DNAH11: variants seen among roughly 807,000 people sequenced by gnomAD.
The protein encoded by DNAH11 is axonemal beta dynein heavy chain 11.
A neutral mutation model predicts 526.0 loss-of-function variants in DNAH11; 442 were observed. The ratio of observed to expected loss-of-function variants is 0.84; its 90% CI spans 0.78 to 0.91. DNAH11 has a LOEUF of 0.91. Ranked by LOEUF, DNAH11 falls within the 40% of genes least tolerant of loss-of-function variation. DNAH11 has a pLI of 0.00. For missense variants in DNAH11, 6,989 were observed against 5,448.7 expected, an observed-to-expected ratio of 1.28 and a Z score of -8.90; for synonymous variants, 2,461 against 1,935.9, an observed-to-expected ratio of 1.27 and a Z score of -7.12.
chr7:21,871,683 T>C (rs911100458), intron 73 of DNAH11, among the ~76,000 whole-genome samples: 1 of 152,238 alleles, frequency 6.6e-6, no homozygotes, highest in Non-Finnish European at 1.5e-5. Context: ...TTAGTAAGCA[T>C]GTAAAGGAGG....
At chr7:21,876,771 A>C (rs895248451) in intron 74 of DNAH11, among the ~76,000 whole-genome samples, 1 of 152,262 alleles carries the variant, frequency 6.6e-6, no homozygotes, top group Admixed American at 6.5e-5. Context: ...CAAAAGGAAA[A>C]GGACGGTGTT....
intron 25 of DNAH11, among the ~76,000 whole-genome samples, chr7:21,625,630 C>G (rs541884911): frequency 6.6e-6 from 1 of 152,172 alleles, no homozygotes; most frequent in East Asian, 1.9e-4. Flanking sequence ...GTTGTAAACA[C>G]TTATTGCTAA....
chr7:21,637,545 G>C (rs1261051271), intron 26 of DNAH11, 66 bp from the exon 27 acceptor site: 25 of 1,078,606 alleles, frequency 2.3e-5, no homozygotes, highest in Non-Finnish European at 3.5e-5. Flanking sequence ...TTTAATTCTT[G>C]AAATGATTAA....
Position 21,543,067 on chromosome 7 carries a change from G to A in DNAH11, c.-179G>A. On this transcript the variant is annotated 5_prime_UTR_variant, in exon 1 of 82. Transcript: ENST00000409508. ...CCAGGCCTTCGCTTCGGCCTGCGAG[G>A]CTACAGCTGTGCGCAGTGGCGCGGC... The A allele has an allele frequency of 7.5e-7, 1 of 1,334,022 alleles. No homozygotes were observed. The highest frequency in any genetic ancestry group is 9.7e-7 in the Non-Finnish European group (1 of 1,028,822). 82.6% of individuals were successfully genotyped at this position (1,334,022 alleles called of 1,614,324 possible).
chr7:21,614,996 A>AT (rs749983875), intron 20 of DNAH11, 118 bp from the exon 21 acceptor site: 304 of 1,213,320 alleles, frequency 2.5e-4, no homozygotes, highest in Middle Eastern at 1.9e-4. Context: ...CTGCAGATTT[A>AT]TTTTTATTTT....
Position 21,901,661 on chromosome 7 carries a change from CAACAA to C in DNAH11, c.*409_*413del. 1.3e-5 allele frequency: 2 copies of C among 157,104 alleles called. No homozygotes were observed. Among genetic ancestry groups the C allele is most frequent in the Admixed American group, 1.3e-4 (2 of 15,760 alleles). 9.7% of individuals were successfully genotyped at this position (157,104 alleles called of 1,614,324 possible). On this transcript the variant is annotated 3_prime_UTR_variant, in exon 82 of 82. Transcript: ENST00000409508. ...AACGGAGATTTTAATTTTTAACAAACAACAAATTAAATTATTAGCCCTTAAACTCT... is the reference window on the plus strand; with the variant it reads ...AACGGAGATTTTAATTTTTAACAAACATTAAATTATTAGCCCTTAAACTCT...
At chr7:21,612,217 G>T (rs956763869) in intron 20 of DNAH11, among the ~76,000 whole-genome samples, 1 of 151,938 alleles carries the variant, frequency 6.6e-6, no homozygotes, top group Non-Finnish European at 1.5e-5. Context: ...AAAATAAAAA[G>T]AAAAATATTA....
rs548753531 is a variant in DNAH11, at chr7:21,680,071, CAT to C, written c.5329-1474_5329-1473del. ...TTGTTCTTATTTCATGGAAATTGCACATGTTACAGTTATCTCTTCCTCCCTTT... is the reference window on the plus strand; with the variant it reads ...TTGTTCTTATTTCATGGAAATTGCACGTTACAGTTATCTCTTCCTCCCTTT... On this transcript the variant is annotated intron_variant, in intron 30 of 81. Transcript: ENST00000409508. Among the ~76,000 whole-genome samples, 46 of 152,322 alleles carry C rather than the reference CAT, an allele frequency of 3.0e-4. No individual in the cohort carries two copies. The East Asian group carries it at 7.7e-3, about 26-fold the overall frequency.
chr7:21,673,403 G>C (rs1782723054), intron 30 of DNAH11, among the ~76,000 whole-genome samples: 1 of 152,138 alleles, frequency 6.6e-6, no homozygotes, highest in Non-Finnish European at 1.5e-5. Context: ...CAGTACACAT[G>C]TACCCATACA....
chr7:21,886,046 A>G (rs1784111751), intron 76 of DNAH11, among the ~76,000 whole-genome samples: 1 of 152,118 alleles, frequency 6.6e-6, no homozygotes, highest in Admixed American at 6.5e-5. Flanking sequence ...TTTCTTGGAA[A>G]CGTAAAGCAC....
chr7:21,636,608 C>G (rs1212399676), intron 26 of DNAH11, among the ~76,000 whole-genome samples: 1 of 151,940 alleles, frequency 6.6e-6, no homozygotes, highest in Non-Finnish European at 1.5e-5. Flanking sequence ...CAAGGTGGCC[C>G]AAGCTTGCAG....
chr7:21,874,116 T>G (rs1783609116), intron 74 of DNAH11, among the ~76,000 whole-genome samples: 1 of 151,818 alleles, frequency 6.6e-6, no homozygotes, highest in Non-Finnish European at 1.5e-5. Context: ...AAAACAAATG[T>G]GGCACACTAG....
chr7:21,673,986 C>G (rs2128470086), intron 30 of DNAH11, among the ~76,000 whole-genome samples: 1 of 151,630 alleles, frequency 6.6e-6, no homozygotes, highest in East Asian at 1.9e-4. Flanking sequence ...TCCTCCTGCT[C>G]CTTAAATATT....
At chr7:21,846,680 T>C (rs1484466775) in intron 66 of DNAH11, among the ~76,000 whole-genome samples, 5 of 152,120 alleles carry the variant, frequency 3.3e-5, no homozygotes, top group Non-Finnish European at 7.4e-5. Context: ...TTTTTTCCTG[T>C]AATGGGTTTA....
At chr7:21,583,107 G>GA (rs1438151743) in intron 9 of DNAH11, among the ~76,000 whole-genome samples, 1 of 152,066 alleles carries the variant, frequency 6.6e-6, no homozygotes, top group Non-Finnish European at 1.5e-5. Flanking sequence ...ATATGGAACT[G>GA]AAAAAGAGCA....
intron 7 of DNAH11, 127 bp downstream of exon 7, chr7:21,570,426 A>C: frequency 5.3e-6 from 4 of 749,904 alleles, no homozygotes; most frequent in Non-Finnish European, 8.4e-6. Flanking sequence ...AGTGATTCTC[A>C]TAAGGAGCTC....
intron 66 of DNAH11, among the ~76,000 whole-genome samples, chr7:21,846,651 T>G (rs369875350): frequency 6.4e-4 from 97 of 152,264 alleles, no homozygotes; most frequent in Admixed American, 3.2e-3. Flanking sequence ...ATCAGAGATA[T>G]CGGTCCGTAG....
chr7:21,550,792 T>G (rs1442830156), intron 2 of DNAH11, among the ~76,000 whole-genome samples: 1 of 152,138 alleles, frequency 6.6e-6, no homozygotes, highest in Non-Finnish European at 1.5e-5. Flanking sequence ...ACATTCCCAG[T>G]GGTGGCTATG....
chr7:21,848,322 A>G (rs377180083), intron 66 of DNAH11, among the ~76,000 whole-genome samples: 3 of 140,856 alleles, frequency 2.1e-5, no homozygotes, highest in East Asian at 4.1e-4. Context: ...TTAGCATGGT[A>G]TATCTTTCTC....
Sources: gnomAD v4.1 joint callset for allele counts (sites outside exome capture counted in the v4.1 genomes callset) on GRCh38, gnomAD v4.1.1 for gene constraint, MANE v1.5 for transcripts, NCBI Gene and HGNC (gene_info 2026-07-23, HGNC 2026-07-21) for gene names.